The following SLC35F1 variants were observed in gnomAD, a reference collection of about 807,000 sequenced individuals.
SLC35F1 encodes the protein chromosome 6 open reading frame 169.
In SLC35F1, 14 loss-of-function variants were observed where a neutral mutation model predicts 48.7. The observed-to-expected ratio is 0.29, with a 90% CI of 0.19 to 0.45. The LOEUF (loss-of-function observed/expected upper bound fraction) is 0.45, where lower values mean the gene tolerates loss of function less well. Among genes scored for constraint, SLC35F1 ranks in the 20% least tolerant of loss-of-function variants. The pLI, the probability that SLC35F1 is intolerant of heterozygous loss-of-function variation, is 1.00. For missense variants in SLC35F1, 404 were observed against 500.0 expected, an observed-to-expected ratio of 0.81 and a Z score of 1.83; for synonymous variants, 190 against 202.2, an observed-to-expected ratio of 0.94 and a Z score of 0.51.
intron 1 of SLC35F1, among the ~76,000 whole-genome samples, chr6:117,908,133 C>T (rs1016075538): frequency 6.6e-6 from 1 of 152,208 alleles, no homozygotes; most frequent in East Asian, 1.9e-4. Context: ...GGCGGGAGTT[C>T]GGGGAGAGGC....
chr6:118,188,278 G>A (rs77326305), intron 2 of SLC35F1, among the ~76,000 whole-genome samples: 3,677 of 152,250 alleles, frequency 0.024, 160 homozygotes, highest in African/African-American at 0.084. Flanking sequence ...GGCCAGGCAC[G>A]GTGGCTCACG....
chr6:118,158,956 C>T (rs1346390181), intron 2 of SLC35F1, among the ~76,000 whole-genome samples: 1 of 151,770 alleles, frequency 6.6e-6, no homozygotes, highest in Non-Finnish European at 1.5e-5. Context: ...CGTGGTGGCT[C>T]ATGCCTGTAA....
intron 7 of SLC35F1, among the ~76,000 whole-genome samples, chr6:118,311,290 G>A (rs1475348401): frequency 6.6e-6 from 1 of 152,082 alleles, no homozygotes. Context: ...GCATTATCTA[G>A]TTTAAAGCTA....
chr6:118,070,724 C>T (rs1772690231), intron 1 of SLC35F1, among the ~76,000 whole-genome samples: 1 of 150,166 alleles, frequency 6.7e-6, no homozygotes. Flanking sequence ...ATCTACAGTA[C>T]TAACTTCTTA....
chr6:118,293,449 C>A (rs1776148601), intron 7 of SLC35F1, among the ~76,000 whole-genome samples: 2 of 152,110 alleles, frequency 1.3e-5, no homozygotes, highest in South Asian at 2.1e-4. Flanking sequence ...CTCTTTTGGA[C>A]CTGCTATTAC....
chr6:117,997,755 A>G (rs1777017532), intron 1 of SLC35F1, among the ~76,000 whole-genome samples: 2 of 152,224 alleles, frequency 1.3e-5, no homozygotes, highest in African/African-American at 2.4e-5. Context: ...GGCCTGCCCT[A>G]AAACAGCTCC....
At chr6:118,050,053 A>G (rs899297518) in intron 1 of SLC35F1, among the ~76,000 whole-genome samples, 1 of 152,172 alleles carries the variant, frequency 6.6e-6, no homozygotes, top group South Asian at 2.1e-4. Flanking sequence ...TGATGAGTTC[A>G]TGTCCTTTGT....
chr6:118,257,160 G>C (rs891638181), intron 3 of SLC35F1, among the ~76,000 whole-genome samples: 3 of 148,512 alleles, frequency 2.0e-5, no homozygotes, highest in East Asian at 3.9e-4. Context: ...GGAAAAAACT[G>C]TCTCTCTCTC....
chr6:118,159,247 A>AAAAG (rs1774191640), intron 2 of SLC35F1, among the ~76,000 whole-genome samples: 1 of 146,626 alleles, frequency 6.8e-6, no homozygotes, highest in South Asian at 2.1e-4. Flanking sequence ...AAAAAAAAAA[A>AAAAG]GTGCTTACTG....
intron 7 of SLC35F1, among the ~76,000 whole-genome samples, chr6:118,301,022 C>G (rs1776249781): frequency 1.3e-5 from 2 of 151,994 alleles, no homozygotes; most frequent in Admixed American, 1.3e-4. Flanking sequence ...ACTGGTGTTT[C>G]CTTTGTGTTC....
chr6:118,212,271 C>G (rs1775009575), intron 2 of SLC35F1, among the ~76,000 whole-genome samples: 1 of 152,152 alleles, frequency 6.6e-6, no homozygotes, highest in African/African-American at 2.4e-5. Context: ...ATACAGATGT[C>G]CCAGAAGTCC....
At chr6:118,170,552 G>C (rs1562313879) in intron 2 of SLC35F1, among the ~76,000 whole-genome samples, 1 of 152,140 alleles carries the variant, frequency 6.6e-6, no homozygotes, top group African/African-American at 2.4e-5. Flanking sequence ...CCTTTCTTCT[G>C]CCTCAGCCTC....
chr6:118,188,997 G>A (rs1774697396), intron 2 of SLC35F1, among the ~76,000 whole-genome samples: 1 of 151,970 alleles, frequency 6.6e-6, no homozygotes, highest in South Asian at 2.1e-4. Context: ...CTGCAGCCTC[G>A]ACCTCCTGGG....
intron 2 of SLC35F1, among the ~76,000 whole-genome samples, chr6:118,168,992 A>AT (rs1007295168): frequency 2.0e-5 from 3 of 152,144 alleles, no homozygotes; most frequent in Non-Finnish European, 4.4e-5. Context: ...CAAAATATCA[A>AT]TTTTTTAACC....
chr6:118,243,630 G>GT lies in SLC35F1; in HGVS notation c.477+7995dup, dbSNP rs1450267990. Among the ~76,000 whole-genome samples, 7 of 152,326 alleles carry GT rather than the reference G, an allele frequency of 4.6e-5. No homozygotes were observed. The East Asian group carries it at 1.2e-3, about 25-fold the overall frequency. Reference sequence around the variant, plus strand: ...AACAGCTCCCACCCTTAGGTTTCATGTAAGTGTGGTCCCATAGTCAAGAAG... The same window carrying GT: ...AACAGCTCCCACCCTTAGGTTTCATGTTAAGTGTGGTCCCATAGTCAAGAAG... On this transcript the variant is annotated intron_variant, in intron 3 of 7. Transcript: ENST00000360388.
At chr6:118,126,771 G>T (rs1450545593) in intron 1 of SLC35F1, among the ~76,000 whole-genome samples, 1 of 151,528 alleles carries the variant, frequency 6.6e-6, no homozygotes, top group East Asian at 1.9e-4. Flanking sequence ...CTCATGATTT[G>T]GCTCTCTGTT....
intron 1 of SLC35F1, among the ~76,000 whole-genome samples, chr6:117,951,545 C>G (rs2114827685): frequency 6.6e-6 from 1 of 152,230 alleles, no homozygotes; most frequent in East Asian, 1.9e-4. Context: ...TTAATATACT[C>G]CAAGAAAACA....
chr6:117,960,091 T>C (rs1489210242), intron 1 of SLC35F1, among the ~76,000 whole-genome samples: 1 of 152,016 alleles, frequency 6.6e-6, no homozygotes, highest in Non-Finnish European at 1.5e-5. Context: ...TTGCAAGGCA[T>C]TGAAGAGGGT....
rs117013260 is a variant in SLC35F1, at chr6:118,180,175, G to A, written c.349+25555G>A. Among the ~76,000 whole-genome samples the A allele has an allele frequency of 3.9e-4, 59 of 152,222 alleles. No homozygotes were observed. The East Asian group carries it at 0.01, about 27-fold the overall frequency. On this transcript the variant is annotated intron_variant, in intron 2 of 7. Transcript: ENST00000360388. ...TCTGTATGAATTTAAAACCACTGAA[G>A]CTAAAATTTAATTTTAAGTAGTCTC...
Sources: allele counts gnomAD v4.1 joint callset (sites outside exome capture counted in the v4.1 genomes callset), GRCh38; gene constraint gnomAD v4.1.1; transcripts MANE v1.5; gene names NCBI Gene and HGNC (gene_info 2026-07-23, HGNC 2026-07-21).